KIF6: variants seen among roughly 807,000 people sequenced by gnomAD.
KIF6 encodes kinesin-like protein KIF6.
A neutral mutation model predicts 112.7 loss-of-function variants in KIF6; 106 were observed. The ratio of observed to expected loss-of-function variants is 0.94; its 90% CI spans 0.80 to 1.11. KIF6 has a LOEUF of 1.11. Ranked by LOEUF, KIF6 falls within the 50% of genes least tolerant of loss-of-function variation. KIF6 has a pLI of 0.00. For synonymous variants in KIF6, 339 were observed against 339.9 expected, an observed-to-expected ratio of 1.00 and a Z score of 0.03; for missense variants, 929 against 964.0, an observed-to-expected ratio of 0.96 and a Z score of 0.48.
chr6:39,576,187 C>T lies in KIF6; in HGVS notation c.1181+1869G>A, dbSNP rs1272162412. On this transcript the variant is annotated intron_variant, in intron 10 of 22. Coordinates refer to ENST00000287152, the MANE Select transcript of KIF6 (RefSeq NM_145027.6). ...CACTCCATGCTGGAGTGCAATGGTG[C>T]GATCTCGGATCACTGTAACCTCTGC... 2.6e-5 allele frequency among the ~76,000 whole-genome samples: 4 copies of T among 152,004 alleles called. No homozygotes were observed. The East Asian group carries it at 5.8e-4, about 22-fold the overall frequency.
chr6:39,385,648 T>C lies in KIF6; in HGVS notation c.1835A>G (p.Gln612Arg), dbSNP rs745917673. 1.9e-6 allele frequency: 3 copies of C among 1,613,654 alleles called. No individual in the cohort carries two copies. The South Asian group carries it at 3.3e-5, about 18-fold the overall frequency. Residue 612 changes from glutamine to arginine, a missense_variant, in exon 16 of 23, where the codon CAG becomes CGG. Gln to Arg is a conservative substitution (Grantham distance 43). Transcript: ENST00000287152. ...KIGHLKEEIT[Q>R]RHIQQVALGI... is the part of the protein sequence containing the mutation. The stretch of plus-strand genomic sequence containing the variant: ...TAGGGCTACTTGCTGTATATGCCGC[T>C]GGGTGATTTCTTCCTTCAGGTGACC...
At chr6:39,481,246 T>C (rs1025859240) in intron 13 of KIF6, among the ~76,000 whole-genome samples, 2 of 152,156 alleles carry the variant, frequency 1.3e-5, no homozygotes, top group Admixed American at 6.5e-5. Flanking sequence ...TCAGGAATGA[T>C]GGGAGGTGTG....
chr6:39,463,605 A>G (rs1178524860), intron 13 of KIF6, among the ~76,000 whole-genome samples: 1 of 152,326 alleles, frequency 6.6e-6, no homozygotes, highest in Admixed American at 6.5e-5. Context: ...CACATCATAA[A>G]ACATTTCCTG....
chr6:39,497,631 C>A (rs2150486285), intron 13 of KIF6, among the ~76,000 whole-genome samples: 1 of 152,286 alleles, frequency 6.6e-6, no homozygotes, highest in South Asian at 2.1e-4. Context: ...AAATTTCATC[C>A]ACAGTGACAG....
chr6:39,588,759 C>A (rs919123094), intron 7 of KIF6, among the ~76,000 whole-genome samples: 3 of 152,146 alleles, frequency 2.0e-5, no homozygotes, highest in Non-Finnish European at 4.4e-5. Context: ...CTTGATTTGT[C>A]TTCATCCCCA....
At chr6:39,338,540 G>A (rs899091497) in intron 22 of KIF6, among the ~76,000 whole-genome samples, 6 of 152,162 alleles carry the variant, frequency 3.9e-5, no homozygotes, top group South Asian at 2.1e-4. Context: ...CAAGTACACC[G>A]AGCCTATGAT....
chr6:39,532,065 T>C (rs1326981485), intron 13 of KIF6, among the ~76,000 whole-genome samples: 1 of 152,126 alleles, frequency 6.6e-6, no homozygotes, highest in Non-Finnish European at 1.5e-5. Context: ...ACCCCCGCTT[T>C]TGGGATTTTC....
rs1460678827 is a variant in KIF6, at chr6:39,586,306, C to T, written c.945G>A (p.Met315Ile). ...VLRDSLGGNC[M>I]TTMIATLSLE... ...AGGAGAGTGTTGCAATCATAGTTGT[C>T]ATGCAGTTCCCTCCCAAACTGTCTC... Residue 315 changes from methionine (M) to isoleucine (I), a missense_variant, in exon 8 of 23, where the codon ATG (methionine) becomes ATA (isoleucine). Around this residue, in one of 2 missense-constraint regions of KIF6, gnomAD observed 688 missense variants for 662.7 expected, o/e 1.04. Coordinates refer to ENST00000287152, the MANE Select transcript of KIF6 (RefSeq NM_145027.6). 6.2e-7 allele frequency: 1 copy of T among 1,613,974 alleles called. No homozygotes were observed. Among genetic ancestry groups the T allele is most frequent in the African/African-American group, 1.3e-5 (1 of 74,928 alleles).
intron 4 of KIF6, among the ~76,000 whole-genome samples, chr6:39,639,280 G>A (rs972911908): frequency 3.9e-5 from 6 of 152,084 alleles, no homozygotes; most frequent in Non-Finnish European, 8.8e-5. Context: ...GATCTGCTTT[G>A]ATAAGAAGAC....
At chr6:39,368,136 C>A (rs1281755299) in intron 16 of KIF6, among the ~76,000 whole-genome samples, 1 of 152,122 alleles carries the variant, frequency 6.6e-6, no homozygotes, top group African/African-American at 2.4e-5. Flanking sequence ...ATTTGGGAGC[C>A]ACTGTGATAA....
chr6:39,442,560 G>A (rs1771982793), intron 13 of KIF6, among the ~76,000 whole-genome samples: 1 of 152,196 alleles, frequency 6.6e-6, no homozygotes. Context: ...TTAGGCATCT[G>A]GAGGCCAGCA....
Position 39,692,105 on chromosome 6 carries a change from C to T in KIF6, c.251+22587G>A, listed in dbSNP as rs547548473. ...CGGAGGTTGCAGTGAGCTGAGATCTCGCCACTGCACTGCAGCCTGGCAACA... is the reference window on the plus strand; with the variant it reads ...CGGAGGTTGCAGTGAGCTGAGATCTTGCCACTGCACTGCAGCCTGGCAACA... On this transcript the variant is annotated intron_variant, in intron 3 of 22. Coordinates refer to ENST00000287152, the MANE Select transcript of KIF6 (RefSeq NM_145027.6). Among the ~76,000 whole-genome samples the T allele has an allele frequency of 2.2e-3, 330 of 152,288 alleles. 1 individual carries two copies. The highest frequency in any genetic ancestry group is 7.4e-3 in the African/African-American group (309 of 41,556).
chr6:39,704,344 C>T (rs183372628), intron 3 of KIF6, among the ~76,000 whole-genome samples: 5 of 152,244 alleles, frequency 3.3e-5, no homozygotes, highest in African/African-American at 4.8e-5. Context: ...TCAGGCCAGG[C>T]GCGTTGGCTC....
intron 3 of KIF6, among the ~76,000 whole-genome samples, chr6:39,658,499 C>T (rs1269291942): frequency 6.6e-6 from 1 of 152,122 alleles, no homozygotes; most frequent in African/African-American, 2.4e-5. Context: ...ATACCTAATA[C>T]TCTTACAACA....
chr6:39,398,390 C>T (rs1768429068), intron 15 of KIF6, among the ~76,000 whole-genome samples: 1 of 152,344 alleles, frequency 6.6e-6, no homozygotes. Flanking sequence ...TATTGATCAT[C>T]AGCTGCTCCA....
chr6:39,585,062 C>A, intron 8 of KIF6, 78 bp from the exon 9 acceptor site: 1 of 856,518 alleles, frequency 1.2e-6, no homozygotes, highest in Non-Finnish European at 1.9e-6. Context: ...ATCTTTTATT[C>A]ACAGAAAAAA....
intron 3 of KIF6, among the ~76,000 whole-genome samples, chr6:39,708,511 T>C (rs1379380008): frequency 1.3e-5 from 2 of 152,226 alleles, no homozygotes; most frequent in African/African-American, 4.8e-5. Context: ...CACCAGCTAC[T>C]GGGACTGTGT....
chr6:39,467,020 C>T (rs1333684978), intron 13 of KIF6, among the ~76,000 whole-genome samples: 2 of 152,172 alleles, frequency 1.3e-5, no homozygotes, highest in Non-Finnish European at 2.9e-5. Context: ...AGAGCAATGG[C>T]TTAGAGATTT....
intron 3 of KIF6, among the ~76,000 whole-genome samples, chr6:39,689,339 T>C (rs1788046271): frequency 6.6e-6 from 1 of 151,878 alleles, no homozygotes; most frequent in Non-Finnish European, 1.5e-5. Flanking sequence ...CTACAACAAA[T>C]ATGAAAATTA....
Sources: allele counts gnomAD v4.1 joint callset (sites outside exome capture counted in the v4.1 genomes callset), GRCh38; gene constraint gnomAD v4.1.1; regional missense constraint gnomAD v4.1.1; transcripts MANE v1.5; gene names NCBI Gene and HGNC (gene_info 2026-07-23, HGNC 2026-07-21).